Variants in MACROD2 observed in about 807,000 individuals in gnomAD.
MACROD2 encodes ADP-ribose glycohydrolase MACROD2.
In MACROD2, 36 loss-of-function variants were observed where a neutral mutation model predicts 70.4. The ratio of observed to expected loss-of-function variants is 0.51; its 90% CI spans 0.39 to 0.68. The LOEUF is 0.68. Among genes scored for constraint, MACROD2 ranks in the 30% least tolerant of loss-of-function variants. The pLI is 0.00. For missense variants in MACROD2, 496 were observed against 538.4 expected (o/e 0.92, Z 0.78); for synonymous variants, 172 against 178.8 (o/e 0.96, Z 0.30).
At chr20:14,362,877 TTGAGTATTCTTGTTTTTAA>T (rs1445482050) in intron 3 of MACROD2, among the ~76,000 whole-genome samples, 4 of 152,192 alleles carry the variant, frequency 2.6e-5, no homozygotes, top group Non-Finnish European at 5.9e-5. Flanking sequence ...GCGATGACTT[TTGAGTATTCTTGTTTTTAA>T]TGTAATTTTT....
intron 4 of MACROD2, among the ~76,000 whole-genome samples, chr20:14,571,533 G>A (rs180808434): frequency 2.0e-5 from 3 of 152,142 alleles, no homozygotes; most frequent in East Asian, 3.9e-4. Context: ...TATCTATTAT[G>A]TACTGGTTTT....
At chr20:15,805,067 C>T (rs531633902) in intron 8 of MACROD2, among the ~76,000 whole-genome samples, 1 of 152,134 alleles carries the variant, frequency 6.6e-6, no homozygotes, top group African/African-American at 2.4e-5. Context: ...TTTCAATGTC[C>T]CTACTGGTAA....
intron 6 of MACROD2, among the ~76,000 whole-genome samples, chr20:15,345,034 C>G (rs969874378): frequency 6.6e-6 from 1 of 152,158 alleles, no homozygotes; most frequent in Non-Finnish European, 1.5e-5. Context: ...GCAGACTGCT[C>G]TCTTGTATCA....
rs1051947689 is a variant in MACROD2 at position 15,312,108 on chromosome 20, TAAAGGA to T, written c.540+82052_540+82057del. 1.4e-4 allele frequency among the ~76,000 whole-genome samples: 21 copies of T among 152,216 alleles called. 1 individual carries two copies. The highest frequency in any genetic ancestry group is 5.1e-4 in the African/African-American group (21 of 41,464). On this transcript the variant is annotated intron_variant, in intron 6 of 17. Coordinates refer to ENST00000684519, the MANE Select transcript of MACROD2 (RefSeq NM_001351661.2). ...TGCATCATAGAAAATGTAACAACGT[TAAAGGA>T]AAAGTGTCAGACTAGAGAGACTATC...
At chr20:14,932,149 T>G (rs767260295) in intron 5 of MACROD2, among the ~76,000 whole-genome samples, 1 of 152,004 alleles carries the variant, frequency 6.6e-6, no homozygotes, top group Non-Finnish European at 1.5e-5. Flanking sequence ...GTGGGCAAAC[T>G]CCCTATTACT....
At chr20:15,173,311 C>T (rs1267368653) in intron 5 of MACROD2, among the ~76,000 whole-genome samples, 1 of 152,136 alleles carries the variant, frequency 6.6e-6, no homozygotes, top group Non-Finnish European at 1.5e-5. Context: ...TGAGAACTCA[C>T]TCACTGTATG....
chr20:15,758,184 A>G (rs62194687), intron 8 of MACROD2, among the ~76,000 whole-genome samples: 3,358 of 151,682 alleles, frequency 0.022, 60 homozygotes, highest in Non-Finnish European at 0.03. Context: ...GCTCATTTCT[A>G]TATGATAAGG....
intron 6 of MACROD2, among the ~76,000 whole-genome samples, chr20:15,400,319 C>T (rs558811941): frequency 3.9e-5 from 6 of 152,306 alleles, no homozygotes; most frequent in South Asian, 2.1e-4. Flanking sequence ...ACACCCTCTT[C>T]CTTAGTGTGG....
At chr20:14,244,284 G>A (rs987675934) in intron 3 of MACROD2, among the ~76,000 whole-genome samples, 2 of 152,082 alleles carry the variant, frequency 1.3e-5, no homozygotes, top group Admixed American at 6.5e-5. Context: ...GTGTTATGTT[G>A]CTTCTCAGGC....
chr20:15,287,036 G>GT (rs2077498587), intron 6 of MACROD2, among the ~76,000 whole-genome samples: 1 of 152,156 alleles, frequency 6.6e-6, no homozygotes, highest in South Asian at 2.1e-4. Context: ...CCTACAACAT[G>GT]TTTGCTCATC....
intron 10 of MACROD2, among the ~76,000 whole-genome samples, chr20:15,907,627 C>T (rs2065167577): frequency 6.6e-6 from 1 of 152,192 alleles, no homozygotes; most frequent in African/African-American, 2.4e-5. Flanking sequence ...TTAAAATACA[C>T]ATGAGACAAA....
At chr20:14,000,266 C>T (rs1323795077) in intron 1 of MACROD2, among the ~76,000 whole-genome samples, 2 of 151,956 alleles carry the variant, frequency 1.3e-5, no homozygotes, top group African/African-American at 4.8e-5. Context: ...CTTCAATGTC[C>T]TATAGGTACC....
chr20:15,792,751 T>A (rs1404645500), intron 8 of MACROD2, among the ~76,000 whole-genome samples: 1 of 152,184 alleles, frequency 6.6e-6, no homozygotes, highest in Admixed American at 6.5e-5. Flanking sequence ...TGTCAGACAT[T>A]TAGGTCATAT....
chr20:15,505,530 T>A (rs1336999331), intron 8 of MACROD2, among the ~76,000 whole-genome samples: 4 of 152,060 alleles, frequency 2.6e-5, no homozygotes, highest in African/African-American at 9.7e-5. Flanking sequence ...GAGCCCCTGG[T>A]TCCCCTGAGG....
chr20:14,570,663 A>C (rs1980131183), intron 4 of MACROD2, among the ~76,000 whole-genome samples: 1 of 151,976 alleles, frequency 6.6e-6, no homozygotes, highest in Admixed American at 6.6e-5. Context: ...AATTGTTTGA[A>C]TAAAATGCAT....
At chr20:14,244,576 A>G (rs1161908226) in intron 3 of MACROD2, among the ~76,000 whole-genome samples, 1 of 152,234 alleles carries the variant, frequency 6.6e-6, no homozygotes, top group Admixed American at 6.5e-5. Context: ...TATACAGAAC[A>G]AAGGCCCTAA....
At chr20:15,862,558 A>ATG (rs2064438492) in intron 8 of MACROD2, among the ~76,000 whole-genome samples, 187 bp from the exon 9 acceptor site, 2 of 151,984 alleles carry the variant, frequency 1.3e-5, no homozygotes, top group South Asian at 4.2e-4. Context: ...GAGTACACAC[A>ATG]CGCACACACA....
intron 4 of MACROD2, among the ~76,000 whole-genome samples, chr20:14,615,173 T>A (rs1983404476): frequency 6.6e-6 from 1 of 152,118 alleles, no homozygotes; most frequent in Admixed American, 6.6e-5. Flanking sequence ...TTTTTATTCC[T>A]GCATATTGAT....
At chr20:15,440,877 C>A (rs1209431863) in intron 7 of MACROD2, among the ~76,000 whole-genome samples, 1 of 152,172 alleles carries the variant, frequency 6.6e-6, no homozygotes, top group South Asian at 2.1e-4. Context: ...AATGATGACT[C>A]TTTTCACTGT....
Sources: allele counts gnomAD v4.1 joint callset (sites outside exome capture counted in the v4.1 genomes callset), GRCh38; gene constraint gnomAD v4.1.1; transcripts MANE v1.5; gene names NCBI Gene and HGNC (gene_info 2026-07-23, HGNC 2026-07-21).